Variants in EPB41L4A observed in about 807,000 individuals in gnomAD.
EPB41L4A encodes band 4.1-like protein 4A.
A neutral mutation model predicts 108.6 loss-of-function variants in EPB41L4A; 100 were observed. The observed-to-expected ratio is 0.92, with a 90% CI of 0.78 to 1.09. The LOEUF (loss-of-function observed/expected upper bound fraction) is 1.09. Ranked by LOEUF, EPB41L4A falls within the 50% of genes least tolerant of loss-of-function variation. EPB41L4A has a pLI of 0.00. For missense variants in EPB41L4A, 1,030 were observed against 842.7 expected (o/e 1.22, Z -2.75); for synonymous variants, 319 against 289.0 (o/e 1.10, Z -1.05).
intron 17 of EPB41L4A, among the ~76,000 whole-genome samples, chr5:112,186,945 G>C (rs925247773): frequency 6.6e-6 from 1 of 152,150 alleles, no homozygotes; most frequent in Non-Finnish European, 1.5e-5. Flanking sequence ...AAATGAAAAA[G>C]ATATGTTTAC....
intron 1 of EPB41L4A, among the ~76,000 whole-genome samples, chr5:112,377,163 C>G (rs1759872289): frequency 6.6e-6 from 1 of 151,104 alleles, no homozygotes; most frequent in Admixed American, 6.6e-5. Context: ...CATGATCATG[C>G]CACTGTACTT....
At chr5:112,404,680 G>C (rs1761978355) in intron 1 of EPB41L4A, among the ~76,000 whole-genome samples, 1 of 152,158 alleles carries the variant, frequency 6.6e-6, no homozygotes, top group Admixed American at 6.5e-5. Context: ...TCAATGAAAA[G>C]TATTTTCATC....
rs138090629 is a variant in EPB41L4A, at chr5:112,413,841, T to C, written c.99+5100A>G. 4.1e-3 allele frequency among the ~76,000 whole-genome samples: 631 copies of C among 152,288 alleles called. 6 individuals are homozygous for C. The highest frequency in any genetic ancestry group is 0.013 in the African/African-American group (541 of 41,542). On this transcript the variant is annotated intron_variant, in intron 1 of 22. Transcript: ENST00000261486. The stretch of plus-strand genomic sequence containing the variant: ...TCTGCATACCTAGAGGGCAAGTCAC[T>C]TGGACTGGCAGGGCTAGATCAGGTA...
chr5:112,231,809 AAAAAAAAG>A (rs1748970228), intron 12 of EPB41L4A, among the ~76,000 whole-genome samples: 3 of 147,384 alleles, frequency 2.0e-5, no homozygotes, highest in Non-Finnish European at 4.5e-5. Context: ...AAAAAAAAAA[AAAAAAAAG>A]GATCCACCTG....
chr5:112,204,680 T>A (rs1762386781), intron 14 of EPB41L4A, 192 bp from the exon 15 acceptor site: 1 of 440,612 alleles, frequency 2.3e-6, no homozygotes, highest in Non-Finnish European at 4.1e-6. Flanking sequence ...ATCATAAAGG[T>A]CATTATTTTG....
intron 1 of EPB41L4A, among the ~76,000 whole-genome samples, chr5:112,334,024 T>C (rs1404435653): frequency 6.6e-6 from 1 of 152,184 alleles, no homozygotes; most frequent in Non-Finnish European, 1.5e-5. Context: ...GTTCAGGCCA[T>C]GATGGGAACG....
At chr5:112,352,699 G>A (rs796996897) in intron 1 of EPB41L4A, among the ~76,000 whole-genome samples, 4 of 152,022 alleles carry the variant, frequency 2.6e-5, no homozygotes, top group African/African-American at 9.6e-5. Flanking sequence ...CAGTTTGGTG[G>A]TTTTCTGTAG....
At chr5:112,328,730 T>G (rs1756353864) in intron 1 of EPB41L4A, among the ~76,000 whole-genome samples, 1 of 152,228 alleles carries the variant, frequency 6.6e-6, no homozygotes, top group Admixed American at 6.5e-5. Flanking sequence ...TGGCTGGACT[T>G]AATACTCAAA....
intron 9 of EPB41L4A, 72 bp from the exon 10 acceptor site, chr5:112,240,882 C>A (rs1042565764): frequency 6.6e-5 from 56 of 848,066 alleles, no homozygotes; most frequent in Non-Finnish European, 9.1e-5. Context: ...AATAACAGCC[C>A]CCTTTAAGTA....
At chr5:112,402,252 C>G (rs1761808344) in intron 1 of EPB41L4A, among the ~76,000 whole-genome samples, 2 of 152,190 alleles carry the variant, frequency 1.3e-5, no homozygotes, top group Admixed American at 6.5e-5. Flanking sequence ...CTGCTTCCCC[C>G]TCACCTTCCA....
chr5:112,185,192 C>T (rs1761366413), intron 17 of EPB41L4A, among the ~76,000 whole-genome samples: 1 of 151,920 alleles, frequency 6.6e-6, no homozygotes, highest in African/African-American at 2.4e-5. Flanking sequence ...TGTTCATCTC[C>T]CAGGGTATAC....
At position 112,415,975 on chromosome 5, in the gene EPB41L4A, A is replaced by AT. The variant is rs145027063; in HGVS notation, c.99+2965dup. Among the ~76,000 whole-genome samples the AT allele has an allele frequency of 3.2e-3, 477 of 149,620 alleles. 1 individual carries two copies. The highest frequency in any genetic ancestry group is 6.9e-3 in the Middle Eastern group (2 of 288). ...AGATACTGTGTTTTATTTTTCTGGT[A>AT]TTTTTTTTTTAACAGAAAATTATTT... On this transcript the variant is annotated intron_variant, in intron 1 of 22. Transcript: ENST00000261486.
chr5:112,388,089 C>A (rs1466994355), intron 1 of EPB41L4A, among the ~76,000 whole-genome samples: 1 of 152,226 alleles, frequency 6.6e-6, no homozygotes, highest in Non-Finnish European at 1.5e-5. Flanking sequence ...GTTGTTTCAG[C>A]AGAAATTCAC....
rs1204001299 is a variant in EPB41L4A, at chr5:112,194,614, T to C, written c.1456A>G (p.Ser486Gly). 10 of 1,606,850 alleles carry C rather than the reference T, an allele frequency of 6.2e-6. No individual in the cohort carries two copies. The highest frequency in any genetic ancestry group is 8.5e-6 in the Non-Finnish European group (10 of 1,176,562). Reference protein sequence around the residue: ...SRSRCNTSSGSESENSNREYR... With the variant: ...SRSRCNTSSGGESENSNREYR... ...TCTCTATTAGAATTTTCTGATTCAC[T>C]ACCACTGCTGGTGTTACAGCGTGAA... Residue 486 changes from serine (S) to glycine (G), a missense_variant, in exon 17 of 23, where the codon AGT (serine) becomes GGT (glycine). Ser to Gly is a moderately conservative substitution (Grantham distance 56). Transcript: ENST00000261486.
intron 3 of EPB41L4A, among the ~76,000 whole-genome samples, chr5:112,278,273 G>A (rs141318839): frequency 0.011 from 1,571 of 145,418 alleles, 30 homozygotes; most frequent in South Asian, 0.056. Context: ...TTTTTGAGAT[G>A]GAGTCTCGCT....
chr5:112,402,264 C>G (rs1045514633), intron 1 of EPB41L4A, among the ~76,000 whole-genome samples: 4 of 152,168 alleles, frequency 2.6e-5, no homozygotes, highest in Non-Finnish European at 5.9e-5. Context: ...CACCTTCCAC[C>G]ACGATTGTAA....
intron 2 of EPB41L4A, among the ~76,000 whole-genome samples, chr5:112,287,164 A>G (rs544705930): frequency 6.6e-6 from 1 of 152,344 alleles, no homozygotes; most frequent in East Asian, 1.9e-4. Flanking sequence ...AGTTATAGCC[A>G]GACCAGAATT....
At position 112,316,225 on chromosome 5, in the gene EPB41L4A, C is replaced by T. The variant is rs1755420040; in HGVS notation, c.100-8735G>A. Among the ~76,000 whole-genome samples, 3 of 152,298 alleles carry T rather than the reference C, an allele frequency of 2.0e-5. No individual in the cohort carries two copies. In the South Asian group the frequency reaches 6.2e-4, roughly 32 times the overall value. On this transcript the variant is annotated intron_variant, in intron 1 of 22. Coordinates refer to ENST00000261486, the MANE Select transcript of EPB41L4A (RefSeq NM_022140.5). ...TACAAACCAGAAAGGCAGGTTCCTG[C>T]CAGCTTCACAGAATGATAACTATTA...
intron 1 of EPB41L4A, among the ~76,000 whole-genome samples, chr5:112,355,646 T>A (rs1758316639): frequency 6.6e-6 from 1 of 152,204 alleles, no homozygotes; most frequent in Non-Finnish European, 1.5e-5. Flanking sequence ...CCACAAACTC[T>A]GCAGGAACTA....
Sources: allele counts gnomAD v4.1 joint callset (sites outside exome capture counted in the v4.1 genomes callset), GRCh38; gene constraint gnomAD v4.1.1; transcripts MANE v1.5; gene names NCBI Gene and HGNC (gene_info 2026-07-23, HGNC 2026-07-21).